Variants in OSBPL1A observed in about 807,000 individuals in gnomAD.
OSBPL1A encodes the protein oxysterol-binding protein-related protein 1.
Under a neutral mutation model 137.1 loss-of-function variants are expected in OSBPL1A, and 80 were observed. That is an observed-to-expected ratio of 0.58 (90% confidence interval 0.49 to 0.70). The LOEUF (loss-of-function observed/expected upper bound fraction) is 0.70. OSBPL1A is among the 30% of genes least tolerant of loss of function. The pLI, the probability that OSBPL1A is intolerant of heterozygous loss-of-function variation, is 0.00. For synonymous variants in OSBPL1A, 365 were observed against 389.7 expected (o/e 0.94, Z 0.75); for missense variants, 970 against 1,129.4 (o/e 0.86, Z 2.02).
intron 1 of OSBPL1A, among the ~76,000 whole-genome samples, chr18:24,397,417 G>C (rs1907830297): frequency 6.6e-6 from 1 of 152,236 alleles, no homozygotes. Flanking sequence ...CCAACATCTT[G>C]TTACTTTTAA....
At chr18:24,230,263 T>G (rs1188639210) in intron 16 of OSBPL1A, among the ~76,000 whole-genome samples, 1 of 151,894 alleles carries the variant, frequency 6.6e-6, no homozygotes, top group Non-Finnish European at 1.5e-5. Flanking sequence ...GAGGGAGGAA[T>G]GGGGAGTTGG....
chr18:24,242,230 CAT>C (rs959348790), intron 15 of OSBPL1A, among the ~76,000 whole-genome samples: 1 of 149,436 alleles, frequency 6.7e-6, no homozygotes, highest in African/African-American at 2.5e-5. Context: ...TACCATGGCA[CAT>C]ATATATATAT....
chr18:24,295,206 A>G (rs1235018544), intron 14 of OSBPL1A, among the ~76,000 whole-genome samples: 2 of 152,112 alleles, frequency 1.3e-5, no homozygotes, highest in Non-Finnish European at 2.9e-5. Context: ...GGTCAACTGT[A>G]TATCTTCTTT....
intron 17 of OSBPL1A, among the ~76,000 whole-genome samples, chr18:24,209,477 G>A (rs1233940863): frequency 6.6e-6 from 1 of 152,152 alleles, no homozygotes; most frequent in Admixed American, 6.5e-5. Context: ...AAACAGTACA[G>A]TAACATCTTA....
intron 17 of OSBPL1A, 72 bp from the exon 18 acceptor site, chr18:24,196,272 T>TG: frequency 7.7e-6 from 8 of 1,032,462 alleles, no homozygotes; most frequent in Non-Finnish European, 1.2e-5. Flanking sequence ...ACTGCTTTCA[T>TG]TCACATGAGA....
chr18:24,181,048 T>C (rs1035904760), intron 19 of OSBPL1A, 97 bp downstream of exon 19: 31 of 1,415,840 alleles, frequency 2.2e-5, no homozygotes, highest in Non-Finnish European at 2.7e-5. Flanking sequence ...CAACCTCACA[T>C]TGAATTTAAC....
chr18:24,392,809 G>T (rs1410230238), intron 1 of OSBPL1A, among the ~76,000 whole-genome samples: 2 of 151,890 alleles, frequency 1.3e-5, no homozygotes, highest in African/African-American at 4.8e-5. Flanking sequence ...TCCCATCTTG[G>T]CCTCCTGAGT....
At chr18:24,390,611 C>T (rs1354469570) in intron 1 of OSBPL1A, among the ~76,000 whole-genome samples, 1 of 138,410 alleles carries the variant, frequency 7.2e-6, no homozygotes, top group African/African-American at 2.7e-5. Context: ...AGGAGAATCA[C>T]TTCAACCTGG....
chr18:24,322,269 C>A (rs977304730), intron 7 of OSBPL1A, among the ~76,000 whole-genome samples: 61 of 149,110 alleles, frequency 4.1e-4, no homozygotes, highest in African/African-American at 1.4e-3. Flanking sequence ...ACCATCACGC[C>A]CGGCTAATTT....
chr18:24,176,616 T>C (rs1430616953), intron 21 of OSBPL1A, among the ~76,000 whole-genome samples: 1 of 152,200 alleles, frequency 6.6e-6, no homozygotes, highest in Non-Finnish European at 1.5e-5. Context: ...TTCTGGAGAA[T>C]ACTGATAAAA....
chr18:24,204,445 T>C (rs1236450477), intron 17 of OSBPL1A, among the ~76,000 whole-genome samples: 1 of 152,170 alleles, frequency 6.6e-6, no homozygotes, highest in African/African-American at 2.4e-5. Context: ...AGATTGTACA[T>C]GGTACCATCT....
intron 14 of OSBPL1A, among the ~76,000 whole-genome samples, chr18:24,292,836 T>C (rs2090200418): frequency 6.6e-6 from 1 of 152,128 alleles, no homozygotes; most frequent in Non-Finnish European, 1.5e-5. Context: ...CTGGGCACAG[T>C]GGCTCACGCC....
chr18:24,169,817 C>T (rs1429734076), intron 24 of OSBPL1A, among the ~76,000 whole-genome samples: 3 of 152,228 alleles, frequency 2.0e-5, no homozygotes, highest in Non-Finnish European at 4.4e-5. Context: ...GCCTCCCCTA[C>T]TGGGATTTAA....
intron 12 of OSBPL1A, among the ~76,000 whole-genome samples, chr18:24,313,711 A>G (rs1318735138): frequency 6.6e-6 from 1 of 152,326 alleles, no homozygotes; most frequent in East Asian, 1.9e-4. Context: ...ACATTCAGAG[A>G]ATTAAAATTG....
intron 21 of OSBPL1A, among the ~76,000 whole-genome samples, chr18:24,173,765 T>C (rs2086356345): frequency 1.3e-5 from 2 of 152,352 alleles, no homozygotes; most frequent in South Asian, 4.1e-4. Flanking sequence ...GTAAAATTCA[T>C]TTTTGTTGGT....
At chr18:24,220,373 C>T (rs775509857) in intron 17 of OSBPL1A, among the ~76,000 whole-genome samples, 19 of 152,340 alleles carry the variant, frequency 1.2e-4, no homozygotes, top group Non-Finnish European at 2.6e-4. Flanking sequence ...AGGTGGGCTT[C>T]ACAGCAGAGC....
At chr18:24,191,179 A>G (rs2086880374) in intron 18 of OSBPL1A, among the ~76,000 whole-genome samples, 1 of 152,228 alleles carries the variant, frequency 6.6e-6, no homozygotes, top group Non-Finnish European at 1.5e-5. Context: ...ATGAAAGGTA[A>G]CAAAACCTTG....
chr18:24,251,064 G>C (rs1285165689), intron 15 of OSBPL1A, among the ~76,000 whole-genome samples: 1 of 152,160 alleles, frequency 6.6e-6, no homozygotes, highest in Admixed American at 6.5e-5. Context: ...CTTTATATTG[G>C]GGTTTGAGTG....
At chr18:24,351,144 T>C (rs2146171243) in intron 4 of OSBPL1A, among the ~76,000 whole-genome samples, 2 of 151,816 alleles carry the variant, frequency 1.3e-5, no homozygotes, top group South Asian at 4.2e-4. Context: ...GGTCAGGAGT[T>C]CGAGACCAGC....
Sources: gnomAD v4.1 joint callset for allele counts (sites outside exome capture counted in the v4.1 genomes callset) on GRCh38, gnomAD v4.1.1 for gene constraint, MANE v1.5 for transcripts, NCBI Gene and HGNC (gene_info 2026-07-23, HGNC 2026-07-21) for gene names.